The following SEPTIN11 variants were observed in gnomAD, a reference collection of about 807,000 sequenced individuals.
The protein encoded by SEPTIN11 is septin 11.
A neutral mutation model predicts 51.4 loss-of-function variants in SEPTIN11; 25 were observed. That is an observed-to-expected ratio of 0.49 (90% CI 0.35 to 0.68). The LOEUF (loss-of-function observed/expected upper bound fraction) is 0.68. SEPTIN11 is among the 30% of genes least tolerant of loss of function. SEPTIN11 has a pLI of 0.00. For missense variants in SEPTIN11, 381 were observed against 520.8 expected, an observed-to-expected ratio of 0.73 and a Z score of 2.61; for synonymous variants, 174 against 184.1, an observed-to-expected ratio of 0.95 and a Z score of 0.44.
intron 7 of SEPTIN11, among the ~76,000 whole-genome samples, chr4:77,022,051 G>C (rs927373037): frequency 7.9e-5 from 12 of 152,186 alleles, no homozygotes; most frequent in African/African-American, 2.7e-4. Flanking sequence ...ACCTTTTTGT[G>C]TACACAGGTT....
rs572010153 is a variant in SEPTIN11, at chr4:77,035,146, A to G, written c.*634A>G. ...CTCTCATGGTTTGAAACTGCATCTG[A>G]ATGCCTGCCTTCAATCCTGGCCAAG... On this transcript the variant is annotated 3_prime_UTR_variant, in exon 10 of 10. Transcript: ENST00000264893. 32 of 985,442 alleles carry G rather than the reference A, an allele frequency of 3.2e-5. No individual in the cohort carries two copies. The East Asian group carries it at 3.2e-3, about 98-fold the overall frequency. 61.0% of individuals were successfully genotyped at this position (985,442 alleles called of 1,614,324 possible).
intron 1 of SEPTIN11, among the ~76,000 whole-genome samples, chr4:76,983,944 T>C (rs1264948715): frequency 6.6e-6 from 1 of 151,920 alleles, no homozygotes; most frequent in Non-Finnish European, 1.5e-5. Flanking sequence ...GAGGCGGAGG[T>C]TGCATTGAGC....
intron 1 of SEPTIN11, among the ~76,000 whole-genome samples, chr4:76,993,771 T>G (rs546042016): frequency 6.6e-6 from 1 of 152,364 alleles, no homozygotes; most frequent in Admixed American, 6.5e-5. Flanking sequence ...TATTACAGTG[T>G]TAGAAGACAG....
At chr4:77,012,954 C>T (rs1479669298) in intron 4 of SEPTIN11, among the ~76,000 whole-genome samples, 1 of 152,346 alleles carries the variant, frequency 6.6e-6, no homozygotes, top group African/African-American at 2.4e-5. Flanking sequence ...GATTCCTCAG[C>T]TCCCTGGGAG....
intron 5 of SEPTIN11, among the ~76,000 whole-genome samples, chr4:77,016,659 C>CATATAT (rs776737427): frequency 2.1e-4 from 14 of 65,726 alleles, no homozygotes; most frequent in African/African-American, 6.3e-4. Context: ...TATATATACA[C>CATATAT]ATATATATAT....
chr4:77,023,609 A>G (rs951781394), intron 7 of SEPTIN11, among the ~76,000 whole-genome samples: 2 of 152,072 alleles, frequency 1.3e-5, no homozygotes, highest in African/African-American at 4.8e-5. Flanking sequence ...TGGTACCAAA[A>G]GTTGGCTTTG....
At position 77,036,728 on chromosome 4, in the gene SEPTIN11, GCTTTT is replaced by G; in HGVS notation, c.*2222_*2226del. 1 of 1,535,176 alleles carries G rather than the reference GCTTTT, an allele frequency of 6.5e-7. No individual in the cohort carries two copies. The highest frequency in any genetic ancestry group is 8.7e-7 in the Non-Finnish European group (1 of 1,146,624). On this transcript the variant is annotated 3_prime_UTR_variant, in exon 10 of 10. Transcript: ENST00000264893. ...TAGCCCTGTTTAGTTTGTTATTGCT[GCTTTT>G]CTTTTTTCTTTCTGTATCTATGCCT...
chr4:76,966,347 C>G (rs1722034210), intron 1 of SEPTIN11, among the ~76,000 whole-genome samples: 1 of 152,084 alleles, frequency 6.6e-6, no homozygotes, highest in Non-Finnish European at 1.5e-5. Flanking sequence ...ATTAGTTATC[C>G]TGTGCTTTTT....
At chr4:77,015,144 C>A in intron 5 of SEPTIN11, 127 bp downstream of exon 5, 2 of 809,896 alleles carry the variant, frequency 2.5e-6, no homozygotes, top group Non-Finnish European at 3.7e-6. Flanking sequence ...TCCAGCTTTG[C>A]CACCACTTCA....
chr4:77,022,635 C>T (rs1014527878), intron 7 of SEPTIN11, among the ~76,000 whole-genome samples: 2 of 152,108 alleles, frequency 1.3e-5, no homozygotes, highest in African/African-American at 4.8e-5. Flanking sequence ...CTGTAGTTTC[C>T]CAACCCCTAG....
intron 1 of SEPTIN11, among the ~76,000 whole-genome samples, chr4:76,964,893 T>C (rs1472399): frequency 0.033 from 4,954 of 152,284 alleles, 129 homozygotes; most frequent in East Asian, 0.11. Context: ...TAGTCTAGTC[T>C]CCTCAGAAAG....
rs1447866632 is a variant in SEPTIN11, at chr4:77,035,055, A to G, written c.*543A>G. On this transcript the variant is annotated 3_prime_UTR_variant, in exon 10 of 10. Coordinates refer to ENST00000264893, the MANE Select transcript of SEPTIN11 (RefSeq NM_018243.4). ...CATTATATTTTATTTTTACCCTTGC[A>G]TGACATTTTCATTTTAATCAATAAC... The G allele has an allele frequency of 2.0e-6, 2 of 985,372 alleles. No individual in the cohort carries two copies. The highest frequency in any genetic ancestry group is 4.7e-5 in the South Asian group (1 of 21,290). 61.0% of individuals were successfully genotyped at this position (985,372 alleles called of 1,614,324 possible).
At chr4:76,955,214 T>C (rs1260930485) in intron 1 of SEPTIN11, among the ~76,000 whole-genome samples, 1 of 152,222 alleles carries the variant, frequency 6.6e-6, no homozygotes, top group African/African-American at 2.4e-5. Flanking sequence ...CCACCTGTTT[T>C]ATCAGACATT....
chr4:77,028,852 G>A, intron 8 of SEPTIN11, 91 bp downstream of exon 8: 2 of 1,060,720 alleles, frequency 1.9e-6, no homozygotes, highest in Non-Finnish European at 2.5e-6. Context: ...GATGGTCCAA[G>A]TACTTTCTAC....
chr4:77,013,948 T>TA (rs1227793023), intron 4 of SEPTIN11, among the ~76,000 whole-genome samples: 1 of 152,146 alleles, frequency 6.6e-6, no homozygotes, highest in African/African-American at 2.4e-5. Context: ...AAGTTAATCT[T>TA]AAAATGCGAA....
chr4:76,958,719 G>T, intron 1 of SEPTIN11: 1 of 546,668 alleles, frequency 1.8e-6, no homozygotes, highest in Non-Finnish European at 3.3e-6. Context: ...TTTTGTTGTT[G>T]TTGTTGTTAG....
At chr4:77,023,999 C>A (rs1356457328) in intron 7 of SEPTIN11, among the ~76,000 whole-genome samples, 1 of 152,162 alleles carries the variant, frequency 6.6e-6, no homozygotes, top group Non-Finnish European at 1.5e-5. Flanking sequence ...GAAGTTCATC[C>A]TTCCCAGTGA....
At chr4:77,016,974 G>C (rs1725356025) in intron 5 of SEPTIN11, among the ~76,000 whole-genome samples, 1 of 151,884 alleles carries the variant, frequency 6.6e-6, no homozygotes, top group Non-Finnish European at 1.5e-5. Context: ...AGATTTCAGT[G>C]TCCATGGACA....
intron 1 of SEPTIN11, among the ~76,000 whole-genome samples, chr4:76,995,391 TAATAAA>T (rs1468770970): frequency 2.7e-5 from 4 of 148,910 alleles, no homozygotes; most frequent in African/African-American, 7.4e-5. Context: ...AAAAAATAAA[TAATAAA>T]AATAAAAATA....
Sources: allele counts gnomAD v4.1 joint callset (sites outside exome capture counted in the v4.1 genomes callset), GRCh38; gene constraint gnomAD v4.1.1; transcripts MANE v1.5; gene names NCBI Gene and HGNC (gene_info 2026-07-23, HGNC 2026-07-21).